AVIL: variants seen among roughly 807,000 people sequenced by gnomAD.
AVIL encodes the protein advillin.
Under a neutral mutation model 109.9 loss-of-function variants are expected in AVIL, and 78 were observed. The observed-to-expected ratio is 0.71, with a 90% CI of 0.59 to 0.86. The LOEUF (loss-of-function observed/expected upper bound fraction) is 0.86. AVIL is among the 40% of genes least tolerant of loss of function. AVIL has a pLI of 0.00. For synonymous variants in AVIL, 367 were observed against 379.1 expected (o/e 0.97, Z 0.37); for missense variants, 892 against 1,016.5 (o/e 0.88, Z 1.67).
At position 57,798,529 on chromosome 12, in the gene AVIL, G is replaced by A. The variant is rs909264044; in HGVS notation, c.2347-534C>T. Among the ~76,000 whole-genome samples the A allele has an allele frequency of 3.3e-5, 5 of 152,020 alleles. No individual in the cohort carries two copies. The East Asian group carries it at 9.6e-4, about 29-fold the overall frequency. ...AAATTGTAGTCCAGATACTTGAGTT[G>A]ACTAGATAAGACATTGTGGGAAATC... is the stretch of plus-strand genomic sequence containing the variant. On this transcript the variant is annotated intron_variant, in intron 19 of 19. Coordinates refer to ENST00000549994, the MANE Select transcript of AVIL (RefSeq NM_006576.4).
chr12:57,811,876 CTA>C (rs1458520691), intron 4 of AVIL, among the ~76,000 whole-genome samples: 1 of 152,258 alleles, frequency 6.6e-6, no homozygotes, highest in Non-Finnish European at 1.5e-5. Flanking sequence ...CGCTCCCTCT[CTA>C]GTGTTATGTG....
rs555504724 is a variant in AVIL at position 57,808,180 on chromosome 12, A to G, written c.1194+14T>C. The stretch of plus-strand genomic sequence containing the variant: ...CAGTGCTGTCTGCCCTGACATTTGA[A>G]TCATTGGGCTTACCTCAACTTTTCC... On this transcript the variant is annotated intron_variant, in intron 11 of 19. Coordinates refer to ENST00000549994, the MANE Select transcript of AVIL (RefSeq NM_006576.4). The G allele has an allele frequency of 1.2e-4, 197 of 1,613,242 alleles. No individual in the cohort carries two copies. The highest frequency in any genetic ancestry group is 7.7e-4 in the Admixed American group (46 of 60,024).
intron 14 of AVIL, among the ~76,000 whole-genome samples, chr12:57,805,677 G>A (rs1392196098): frequency 6.6e-6 from 1 of 151,794 alleles, no homozygotes; most frequent in Non-Finnish European, 1.5e-5. Context: ...GGGACTACAG[G>A]CGCATGCTGC....
At chr12:57,816,143 A>G (rs1359832045) in intron 1 of AVIL, 84 bp from the exon 2 acceptor site, 2 of 1,184,720 alleles carry the variant, frequency 1.7e-6, no homozygotes, top group African/African-American at 3.0e-5. Flanking sequence ...GCTGCTTCCC[A>G]GTCTGTTGTC....
At chr12:57,802,461 A>T in intron 16 of AVIL, 113 bp from the exon 17 acceptor site, 3 of 1,308,762 alleles carry the variant, frequency 2.3e-6, no homozygotes, top group Non-Finnish European at 3.2e-6. Flanking sequence ...TCACAGCCTC[A>T]GAAAACTTTC....
Position 57,810,386 on chromosome 12 carries a change from T to C in AVIL, c.724A>G (p.Ile242Val). ...ATAGTTGATTTCTGCTTCTGATCTA[T>C]GATCTCATCAGGGACTGTAGGCTTG... ...IIKPTVPDEI[I>V]DQKQKSTIML... Residue 242 changes from isoleucine (I) to valine (V), a missense_variant, in exon 7 of 20, where the codon ATA (isoleucine) becomes GTA (valine). By Grantham distance (29) the Ile-to-Val change is conservative (BLOSUM62 3). Coordinates refer to ENST00000549994, the MANE Select transcript of AVIL (RefSeq NM_006576.4). The C allele has an allele frequency of 6.2e-7, 1 of 1,614,212 alleles. No individual in the cohort carries two copies. Among genetic ancestry groups the C allele is most frequent in the Non-Finnish European group, 8.5e-7 (1 of 1,180,034 alleles).
intron 9 of AVIL, chr12:57,809,007 G>C (rs1352446126): frequency 5.8e-6 from 1 of 171,244 alleles, no homozygotes. Context: ...TGTTCTGAGT[G>C]CTTTTTTTTT....
At chr12:57,812,300 C>T (rs950678319) in intron 4 of AVIL, among the ~76,000 whole-genome samples, 1 of 152,226 alleles carries the variant, frequency 6.6e-6, no homozygotes, top group African/African-American at 2.4e-5. Flanking sequence ...TCCCAAAGTG[C>T]TGGGATTACA....
chr12:57,815,153 T>C (rs1186853827), intron 2 of AVIL, among the ~76,000 whole-genome samples: 1 of 152,076 alleles, frequency 6.6e-6, no homozygotes, highest in African/African-American at 2.4e-5. Flanking sequence ...GGGGTTTCAC[T>C]GTGTTAGCCA....
intron 9 of AVIL, 120 bp downstream of exon 9, chr12:57,809,477 G>T: frequency 8.6e-7 from 1 of 1,161,814 alleles, no homozygotes; most frequent in Non-Finnish European, 1.2e-6. Context: ...TGACTTTGCA[G>T]TCCATGTACG....
Position 57,801,195 on chromosome 12 carries a change from T to C in AVIL, c.2169A>G (p.Glu723=). 1 of 1,613,600 alleles carries C rather than the reference T, an allele frequency of 6.2e-7. No homozygotes were observed. Among genetic ancestry groups the C allele is most frequent in the Non-Finnish European group, 8.5e-7 (1 of 1,179,756 alleles). ...PNIWSAGKTY[E]QLKEELGDAA... ...CATCTCCCAGCTCTTCTTTTAATTG[T>C]TCATATGTTTTTCCTGCCTGAGAAG... Residue 723 remains glutamate (E), a synonymous_variant, in exon 18 of 20, where the codon GAA becomes GAG. Coordinates refer to ENST00000549994, the MANE Select transcript of AVIL (RefSeq NM_006576.4).
intron 2 of AVIL, 100 bp from the exon 3 acceptor site, chr12:57,814,326 A>G (rs1372483247): frequency 2.5e-6 from 3 of 1,205,078 alleles, no homozygotes; most frequent in Admixed American, 4.2e-5. Context: ...TGGTGGGGAG[A>G]AGGAGGGGAG....
intron 1 of AVIL, among the ~76,000 whole-genome samples, chr12:57,817,875 T>G (rs753330204): frequency 6.6e-6 from 1 of 152,214 alleles, no homozygotes; most frequent in African/African-American, 2.4e-5. Context: ...TCCTTCTCCC[T>G]AAATCCTAAT....
rs550819259 is a variant in AVIL, at chr12:57,798,748, C to T, written c.2347-753G>A. Among the ~76,000 whole-genome samples, 11 of 151,912 alleles carry T rather than the reference C, an allele frequency of 7.2e-5. No individual in the cohort carries two copies. In the Middle Eastern group the frequency reaches 0.014, roughly 188 times the overall value. ...TCTCCTCCCTCAGCCTCCCAAGTAGCTGGGACTACAGGCACCCACCACCAC... is the reference window on the plus strand; with the variant it reads ...TCTCCTCCCTCAGCCTCCCAAGTAGTTGGGACTACAGGCACCCACCACCAC... On this transcript the variant is annotated intron_variant, in intron 19 of 19. Coordinates refer to ENST00000549994, the MANE Select transcript of AVIL (RefSeq NM_006576.4).
At chr12:57,808,598 G>A (rs1362665315) in intron 9 of AVIL, 50 bp from the exon 10 acceptor site, 2 of 1,592,736 alleles carry the variant, frequency 1.3e-6, no homozygotes, top group Admixed American at 1.7e-5. Context: ...AATACACTGA[G>A]TTCTTTGCTT....
chr12:57,814,281 T>C (rs2140460511), intron 2 of AVIL, 55 bp from the exon 3 acceptor site: 1 of 1,521,558 alleles, frequency 6.6e-7, no homozygotes, highest in Non-Finnish European at 9.0e-7. Flanking sequence ...CCCTTCCCCA[T>C]GAGCCTCCCT....
At chr12:57,801,412 G>T in intron 17 of AVIL, 200 bp from the exon 18 acceptor site, 1 of 455,058 alleles carries the variant, frequency 2.2e-6, no homozygotes, top group South Asian at 2.4e-5. Flanking sequence ...TTCTTTGATG[G>T]TAACCCCTCA....
chr12:57,811,614 G>T (rs1378538261), intron 4 of AVIL, among the ~76,000 whole-genome samples: 1 of 152,214 alleles, frequency 6.6e-6, no homozygotes, highest in Admixed American at 6.5e-5. Flanking sequence ...CGAGCCAGGG[G>T]TCCTGCACTT....
chr12:57,811,207 C>T, intron 4 of AVIL, 80 bp from the exon 5 acceptor site: 4 of 1,297,314 alleles, frequency 3.1e-6, no homozygotes, highest in East Asian at 2.3e-5. Flanking sequence ...TACACAGATG[C>T]AGCCTCACTC....
Sources: allele counts gnomAD v4.1 joint callset (sites outside exome capture counted in the v4.1 genomes callset), GRCh38; gene constraint gnomAD v4.1.1; transcripts MANE v1.5; gene names NCBI Gene and HGNC (gene_info 2026-07-23, HGNC 2026-07-21).